The following ST3GAL5 variants were observed in gnomAD, a reference collection of about 807,000 sequenced individuals.
The protein encoded by ST3GAL5 is lactosylceramide alpha-2,3-sialyltransferase.
ST3GAL5 carries 25 observed loss-of-function variants against 46.1 expected under a neutral mutation model. The ratio of observed to expected loss-of-function variants is 0.54; its 90% CI spans 0.40 to 0.76. The LOEUF (loss-of-function observed/expected upper bound fraction) is 0.76, where lower values mean the gene tolerates loss of function less well. ST3GAL5 is among the 30% of genes least tolerant of loss of function. The probability of loss-of-function intolerance (pLI) is 0.00; values close to 1 mark genes in which losing one functional copy is unlikely to be tolerated. For synonymous variants in ST3GAL5, 182 were observed against 192.7 expected (o/e 0.94, Z 0.46); for missense variants, 431 against 521.2 (o/e 0.83, Z 1.69).
At chr2:85,866,666 T>G (rs928376955) in intron 1 of ST3GAL5, among the ~76,000 whole-genome samples, 3 of 152,354 alleles carry the variant, frequency 2.0e-5, no homozygotes, top group African/African-American at 7.2e-5. Flanking sequence ...TCTCTTTCCT[T>G]ATCTCTGAGG....
At chr2:85,876,905 C>T (rs1686642844) in intron 1 of ST3GAL5, among the ~76,000 whole-genome samples, 1 of 152,210 alleles carries the variant, frequency 6.6e-6, no homozygotes, top group African/African-American at 2.4e-5. Context: ...CTGGCCACAG[C>T]ACCCAAGACC....
At chr2:85,873,898 G>A (rs912562548) in intron 1 of ST3GAL5, among the ~76,000 whole-genome samples, 1 of 152,204 alleles carries the variant, frequency 6.6e-6, no homozygotes, top group Admixed American at 6.5e-5. Context: ...TGCTGACTGT[G>A]CATGTTAACC....
chr2:85,874,143 T>G (rs1008807929), intron 1 of ST3GAL5, among the ~76,000 whole-genome samples: 1 of 152,252 alleles, frequency 6.6e-6, no homozygotes, highest in Non-Finnish European at 1.5e-5. Flanking sequence ...TCAACCAAGA[T>G]GCAAGCACTT....
At chr2:85,848,304 C>T (rs2103961926) in intron 3 of ST3GAL5, 100 bp from the exon 4 acceptor site, 1 of 1,610,742 alleles carries the variant, frequency 6.2e-7, no homozygotes, top group East Asian at 2.2e-5. Context: ...GATGTAGCTC[C>T]CGTGTTGATT....
At chr2:85,878,157 G>T (rs1686779019) in intron 1 of ST3GAL5, among the ~76,000 whole-genome samples, 3 of 152,146 alleles carry the variant, frequency 2.0e-5, no homozygotes, top group Admixed American at 2.0e-4. Context: ...TTAAAAACAA[G>T]AACTCTACTC....
At chr2:85,840,518 C>T in intron 6 of ST3GAL5, 126 bp from the exon 7 acceptor site, 2 of 1,004,198 alleles carry the variant, frequency 2.0e-6, no homozygotes, top group Non-Finnish European at 3.0e-6. Flanking sequence ...TCATACATCA[C>T]ATAATTTTAT....
intron 6 of ST3GAL5, among the ~76,000 whole-genome samples, chr2:85,840,799 C>G (rs567210164): frequency 6.6e-6 from 1 of 151,802 alleles, no homozygotes; most frequent in South Asian, 2.1e-4. Context: ...CAAAATTTAG[C>G]CAGGTGTGGT....
At chr2:85,878,765 G>A (rs1035143233) in intron 1 of ST3GAL5, among the ~76,000 whole-genome samples, 5 of 152,060 alleles carry the variant, frequency 3.3e-5, no homozygotes, top group Non-Finnish European at 5.9e-5. Context: ...CCAAATACTC[G>A]AAATACCAAA....
At chr2:85,857,795 C>T (rs79581443) in intron 3 of ST3GAL5, among the ~76,000 whole-genome samples, 1,656 of 152,148 alleles carry the variant, frequency 0.011, 54 homozygotes, top group Admixed American at 0.064. Flanking sequence ...TTGTAGAACA[C>T]GACTACTCCG....
Position 85,839,882 on chromosome 2 carries a change from T to C in ST3GAL5, c.*262A>G. On this transcript the variant is annotated 3_prime_UTR_variant, in exon 7 of 7. Transcript: ENST00000638572. ...TTCTTAAAAATCAATACAACATCGT[T>C]ACATACAATTCTCTTTGAGAAGTCT... 1.9e-6 allele frequency: 1 copy of C among 520,584 alleles called. No individual in the cohort carries two copies. The highest frequency in any genetic ancestry group is 3.5e-6 in the Non-Finnish European group (1 of 289,368). The allele number at this position is 520,584 out of a possible 1,614,324, so 32.2% of individuals were successfully genotyped here.
upstream of ST3GAL5, chr2:85,889,007 C>A (rs886056395): frequency 2.2e-6 from 2 of 910,076 alleles, no homozygotes; most frequent in Admixed American, 4.7e-5. Context: ...CGCCGCTCCC[C>A]CGCTCAGATG....
chr2:85,877,887 AT>A (rs1026897806), intron 1 of ST3GAL5, among the ~76,000 whole-genome samples: 4 of 152,242 alleles, frequency 2.6e-5, no homozygotes, highest in Admixed American at 6.5e-5. Flanking sequence ...AGAAAAAAAA[AT>A]AACCTTTAGA....
intron 3 of ST3GAL5, chr2:85,853,178 T>C: frequency 1.1e-6 from 1 of 921,376 alleles, no homozygotes; most frequent in Middle Eastern, 2.9e-4. Context: ...CGTGCCCTCG[T>C]CTCTCTTAAA....
chr2:85,855,816 C>T (rs1324236592), intron 3 of ST3GAL5: 5 of 152,162 alleles, frequency 3.3e-5, no homozygotes, highest in East Asian at 1.9e-4. Context: ...CCAAAGAAAA[C>T]ACACATACGG....
At chr2:85,864,950 C>T (rs968169654) in intron 1 of ST3GAL5, among the ~76,000 whole-genome samples, 6 of 152,170 alleles carry the variant, frequency 3.9e-5, no homozygotes, top group African/African-American at 1.4e-4. Flanking sequence ...CTCCTGTATC[C>T]CCTCTGCCTC....
intron 3 of ST3GAL5, chr2:85,860,867 A>G: frequency 3.2e-6 from 1 of 315,370 alleles, no homozygotes; most frequent in Non-Finnish European, 6.0e-6. Context: ...AAAAAGAAAG[A>G]ATTTCTTTGT....
chr2:85,839,979 A>G lies in ST3GAL5; in HGVS notation c.*165T>C. On this transcript the variant is annotated 3_prime_UTR_variant, in exon 7 of 7. Coordinates refer to ENST00000638572, the MANE Select transcript of ST3GAL5 (RefSeq NM_003896.4). The stretch of plus-strand genomic sequence containing the variant: ...CAAACACTGACCTCAAATAAATAGG[A>G]AAAAAAAAGTGGGAAGAGCTAAAAT... 7 of 907,374 alleles carry G rather than the reference A, an allele frequency of 7.7e-6. No individual in the cohort carries two copies. In the Admixed American group the frequency reaches 8.0e-5, roughly 10 times the overall value. The allele number at this position is 907,374 out of a possible 1,614,324, so 56.2% of individuals were successfully genotyped here.
chr2:85,881,901 A>G (rs952960809), intron 1 of ST3GAL5, among the ~76,000 whole-genome samples: 2 of 152,252 alleles, frequency 1.3e-5, no homozygotes, highest in African/African-American at 4.8e-5. Flanking sequence ...GTCTCCAGGC[A>G]ATGTGAGAGA....
chr2:85,882,411 A>G (rs1468658129), intron 1 of ST3GAL5, among the ~76,000 whole-genome samples: 2 of 152,218 alleles, frequency 1.3e-5, no homozygotes, highest in Non-Finnish European at 2.9e-5. Flanking sequence ...AGCCCATGAA[A>G]GTGGCTAGGA....
Sources: allele counts gnomAD v4.1 joint callset (sites outside exome capture counted in the v4.1 genomes callset), GRCh38; gene constraint gnomAD v4.1.1; transcripts MANE v1.5; gene names NCBI Gene and HGNC (gene_info 2026-07-23, HGNC 2026-07-21).